RABGAP1L: variants seen among roughly 807,000 people sequenced by gnomAD.
RABGAP1L encodes rab GTPase-activating protein 1-like.
In RABGAP1L, 63 loss-of-function variants were observed where a neutral mutation model predicts 137.7. That is an observed-to-expected ratio of 0.46 (90% confidence interval 0.37 to 0.56). The LOEUF (loss-of-function observed/expected upper bound fraction) is 0.56, where lower values mean the gene tolerates loss of function less well. RABGAP1L is among the 20% of genes least tolerant of loss of function. RABGAP1L has a pLI of 0.00. For synonymous variants in RABGAP1L, 431 were observed against 433.7 expected (o/e 0.99, Z 0.08); for missense variants, 1,095 against 1,244.0 (o/e 0.88, Z 1.80).
intron 11 of RABGAP1L, among the ~76,000 whole-genome samples, chr1:174,343,408 T>TCTGA (rs1682154866): frequency 6.6e-6 from 1 of 152,104 alleles, no homozygotes. Context: ...CTATTGTGTA[T>TCTGA]CTGAGTACCC....
chr1:174,215,246 C>T (rs1669202222), intron 1 of RABGAP1L, among the ~76,000 whole-genome samples: 1 of 152,106 alleles, frequency 6.6e-6, no homozygotes, highest in Non-Finnish European at 1.5e-5. Flanking sequence ...CACCTGGGGT[C>T]AGGAGTTCGA....
Position 174,438,723 on chromosome 1 carries a change from AC to A in RABGAP1L, c.1710+44581del, listed in dbSNP as rs1282045066. 1.6e-4 allele frequency among the ~76,000 whole-genome samples: 18 copies of A among 115,510 alleles called. 2 individuals carry two copies. The highest frequency in any genetic ancestry group is 7.4e-4 in the African/African-American group (17 of 22,948). 75.8% of individuals were successfully genotyped at this position (115,510 alleles called of 152,430 possible). A position where few individuals can be genotyped will look rare whatever the true frequency, so the allele number is the denominator to read the frequency against. On this transcript the variant is annotated intron_variant, in intron 13 of 25. Transcript: ENST00000681986. ...ACACAGCAAGACTCTGTCAAAAAAA[AC>A]CCAAAAAAAGTGTGTGTGTGTATAT...
chr1:174,636,053 TTTCACC>T (rs1367487983), intron 13 of RABGAP1L, among the ~76,000 whole-genome samples: 1 of 152,200 alleles, frequency 6.6e-6, no homozygotes, highest in African/African-American at 2.4e-5. Context: ...TACAAAATAT[TTTCACC>T]ATCAGTGTTG....
At chr1:174,656,287 G>T (rs753070263) in intron 14 of RABGAP1L, among the ~76,000 whole-genome samples, 1 of 152,018 alleles carries the variant, frequency 6.6e-6, no homozygotes, top group Non-Finnish European at 1.5e-5. Flanking sequence ...GTGAAACTCC[G>T]TCTCTACTAA....
Position 174,994,469 on chromosome 1 carries a change from A to G in RABGAP1L, c.*4468A>G, listed in dbSNP as rs561430135. ...TCATTAGTGGTATTCTGAAAAGCTTAAGAAAAAAGAATCATTGAGTAGAAA... is the reference window on the plus strand; with the variant it reads ...TCATTAGTGGTATTCTGAAAAGCTTGAGAAAAAAGAATCATTGAGTAGAAA... On this transcript the variant is annotated 3_prime_UTR_variant, in exon 26 of 26. Transcript: ENST00000681986. 1.3e-5 allele frequency: 2 copies of G among 152,362 alleles called. No homozygotes were observed. The highest frequency in any genetic ancestry group is 6.5e-5 in the Admixed American group (1 of 15,302). 9.4% of individuals were successfully genotyped at this position (152,362 alleles called of 1,614,324 possible). A position where few individuals can be genotyped will look rare whatever the true frequency, so the allele number is the denominator to read the frequency against.
intron 13 of RABGAP1L, among the ~76,000 whole-genome samples, chr1:174,468,123 T>C (rs1421326704): frequency 6.6e-6 from 1 of 152,116 alleles, no homozygotes; most frequent in Non-Finnish European, 1.5e-5. Flanking sequence ...AGACTTAAGA[T>C]AAATTATTGC....
chr1:174,801,438 T>G lies in RABGAP1L; in HGVS notation c.2212-10394T>G, dbSNP rs1014445406. Among the ~76,000 whole-genome samples the G allele has an allele frequency of 6.0e-4, 92 of 152,204 alleles. 1 individual carries two copies. The highest frequency in any genetic ancestry group is 1.2e-4 in the Non-Finnish European group (8 of 68,024). ...TAATTCATCTCTATTTATACTTATCTTTACAATTACTAGTTCAGTCTTTAT... is the reference window on the plus strand; with the variant it reads ...TAATTCATCTCTATTTATACTTATCGTTACAATTACTAGTTCAGTCTTTAT... On this transcript the variant is annotated intron_variant, in intron 18 of 25. Coordinates refer to ENST00000681986, the MANE Select transcript of RABGAP1L (RefSeq NM_001366446.1).
At chr1:174,499,049 A>G (rs1364196696) in intron 13 of RABGAP1L, among the ~76,000 whole-genome samples, 1 of 151,776 alleles carries the variant, frequency 6.6e-6, no homozygotes, top group South Asian at 2.1e-4. Context: ...TTTTTTTTCA[A>G]TCTTACAAAA....
chr1:174,798,111 A>G (rs1166950538), intron 18 of RABGAP1L, among the ~76,000 whole-genome samples: 1 of 151,854 alleles, frequency 6.6e-6, no homozygotes, highest in Non-Finnish European at 1.5e-5. Flanking sequence ...TACTGTTCCT[A>G]GCTCTACTTT....
chr1:174,718,183 T>C (rs1246721682), intron 17 of RABGAP1L, among the ~76,000 whole-genome samples: 1 of 152,226 alleles, frequency 6.6e-6, no homozygotes, highest in Non-Finnish European at 1.5e-5. Context: ...TTCCTTCCTT[T>C]TAGGTTTTTG....
At chr1:174,176,170 A>G (rs149408358) in intron 1 of RABGAP1L, among the ~76,000 whole-genome samples, 1 of 152,092 alleles carries the variant, frequency 6.6e-6, no homozygotes, top group Non-Finnish European at 1.5e-5. Context: ...TAATGTTGAT[A>G]TTTTTCTTTC....
At chr1:174,494,966 C>T (rs1660608060) in intron 13 of RABGAP1L, among the ~76,000 whole-genome samples, 2 of 152,114 alleles carry the variant, frequency 1.3e-5, no homozygotes, top group Non-Finnish European at 2.9e-5. Flanking sequence ...GCAGGGAAGA[C>T]ACCTTTGGTA....
intron 18 of RABGAP1L, among the ~76,000 whole-genome samples, chr1:174,759,017 G>A (rs923466435): frequency 6.6e-6 from 1 of 151,824 alleles, no homozygotes; most frequent in African/African-American, 2.4e-5. Context: ...TCTTACTTAG[G>A]TAGCTTTTAG....
intron 17 of RABGAP1L, among the ~76,000 whole-genome samples, chr1:174,708,754 T>C (rs566909360): frequency 2.0e-5 from 3 of 152,184 alleles, no homozygotes; most frequent in Admixed American, 2.0e-4. Context: ...CAGGAGTTTT[T>C]GTTTGTTTGT....
chr1:174,988,140 CTT>C (rs986641648), intron 24 of RABGAP1L, among the ~76,000 whole-genome samples: 16 of 152,180 alleles, frequency 1.1e-4, no homozygotes, highest in African/African-American at 3.9e-4. Context: ...CAGGGGTCCT[CTT>C]TGCTTAAAAT....
chr1:174,254,369 A>G (rs975330129), intron 7 of RABGAP1L, among the ~76,000 whole-genome samples: 8 of 152,196 alleles, frequency 5.3e-5, no homozygotes, highest in African/African-American at 1.9e-4. Context: ...TGTGCAGAAC[A>G]TGCAGGTTTG....
chr1:174,800,410 C>T (rs1056146500), intron 18 of RABGAP1L: 6 of 1,550,652 alleles, frequency 3.9e-6, no homozygotes, highest in Admixed American at 2.0e-5. Context: ...ACATGCACGA[C>T]GAGAGGAGCA....
chr1:174,967,969 G>C (rs1438270448), intron 20 of RABGAP1L, among the ~76,000 whole-genome samples: 1 of 149,400 alleles, frequency 6.7e-6, no homozygotes, highest in Non-Finnish European at 1.5e-5. Context: ...CTGGTGGCTG[G>C]TATAATCAAG....
At chr1:174,969,882 T>G (rs574987540) in intron 21 of RABGAP1L, among the ~76,000 whole-genome samples, 1 of 152,330 alleles carries the variant, frequency 6.6e-6, no homozygotes, top group South Asian at 2.1e-4. Flanking sequence ...CTGTGAACCA[T>G]ATGACCCTGG....
Sources: allele counts gnomAD v4.1 joint callset (sites outside exome capture counted in the v4.1 genomes callset), GRCh38; gene constraint gnomAD v4.1.1; transcripts MANE v1.5; gene names NCBI Gene and HGNC (gene_info 2026-07-23, HGNC 2026-07-21).